Variants in PCSK5 observed in about 807,000 individuals in gnomAD.
PCSK5 encodes proprotein convertase subtilisin/kexin type 5.
In PCSK5, 129 loss-of-function variants were observed where a neutral mutation model predicts 233.2. The ratio of observed to expected loss-of-function variants is 0.55; its 90% CI spans 0.48 to 0.64. The LOEUF (loss-of-function observed/expected upper bound fraction) is 0.64. Ranked by LOEUF, PCSK5 falls within the 30% of genes least tolerant of loss-of-function variation. PCSK5 has a pLI of 0.00. For missense variants in PCSK5, 2,076 were observed against 2,430.1 expected (o/e 0.85, Z 3.06); for synonymous variants, 825 against 879.2 (o/e 0.94, Z 1.09).
chr9:76,251,102 T>C (rs1022930792), intron 24 of PCSK5, among the ~76,000 whole-genome samples: 2 of 152,138 alleles, frequency 1.3e-5, no homozygotes, highest in Non-Finnish European at 1.5e-5. Flanking sequence ...ATACCATTTG[T>C]ACACAAAATT....
intron 27 of PCSK5, among the ~76,000 whole-genome samples, chr9:76,301,452 C>T (rs4291342): frequency 0.013 from 1,919 of 152,000 alleles, 36 homozygotes; most frequent in African/African-American, 0.044. Context: ...AGCAGCTTTA[C>T]GATTTTAAAA....
chr9:75,922,827 T>C (rs1020088883), intron 1 of PCSK5, among the ~76,000 whole-genome samples: 1 of 152,178 alleles, frequency 6.6e-6, no homozygotes, highest in African/African-American at 2.4e-5. Context: ...GAAAATCTGG[T>C]GCTTATTCAA....
intron 35 of PCSK5, among the ~76,000 whole-genome samples, chr9:76,345,824 A>G (rs908612232): frequency 6.6e-6 from 1 of 151,724 alleles, no homozygotes; most frequent in Middle Eastern, 3.2e-3. Flanking sequence ...GGTTCAAGCA[A>G]TTCTCCTGTC....
At chr9:76,250,789 C>T (rs1022986542) in intron 24 of PCSK5, among the ~76,000 whole-genome samples, 6 of 152,072 alleles carry the variant, frequency 3.9e-5, no homozygotes, top group African/African-American at 7.2e-5. Context: ...ACGGACTTTA[C>T]GTTAGTAATA....
At chr9:76,243,766 A>AT (rs1311997674) in intron 24 of PCSK5, among the ~76,000 whole-genome samples, 1 of 124,036 alleles carries the variant, frequency 8.1e-6, no homozygotes, top group Non-Finnish European at 1.8e-5. Context: ...CATAATAAAT[A>AT]TGAATTAATG....
chr9:76,177,057 A>C (rs1243701051), intron 14 of PCSK5, among the ~76,000 whole-genome samples: 1 of 152,196 alleles, frequency 6.6e-6, no homozygotes, highest in Admixed American at 6.5e-5. Context: ...TGGGAGGCCG[A>C]GGAGGGTGGA....
At chr9:76,023,212 C>G (rs1828276791) in intron 3 of PCSK5, among the ~76,000 whole-genome samples, 1 of 152,166 alleles carries the variant, frequency 6.6e-6, no homozygotes, top group African/African-American at 2.4e-5. Context: ...TTCCAAAAGA[C>G]TTACGGTATC....
At chr9:76,104,035 C>T (rs570972847) in intron 8 of PCSK5, among the ~76,000 whole-genome samples, 1 of 152,246 alleles carries the variant, frequency 6.6e-6, no homozygotes, top group South Asian at 2.1e-4. Flanking sequence ...ACTGTCAGAT[C>T]CTATATACAT....
At chr9:76,028,194 A>G (rs1587519507) in intron 5 of PCSK5, among the ~76,000 whole-genome samples, 1 of 152,296 alleles carries the variant, frequency 6.6e-6, no homozygotes, top group East Asian at 1.9e-4. Flanking sequence ...AGAACTTCCA[A>G]GCGAAAAGAG....
intron 20 of PCSK5, chr9:76,205,303 T>C (rs998605393): frequency 6.6e-5 from 34 of 517,632 alleles, no homozygotes; most frequent in Non-Finnish European, 1.2e-4. Context: ...CCGCCTATGC[T>C]GTTCCCACAC....
intron 1 of PCSK5, among the ~76,000 whole-genome samples, chr9:75,895,981 G>C (rs1351640649): frequency 6.6e-6 from 1 of 152,138 alleles, no homozygotes; most frequent in Non-Finnish European, 1.5e-5. Flanking sequence ...GGGTTGTATG[G>C]GAGTGGATTG....
intron 24 of PCSK5, among the ~76,000 whole-genome samples, chr9:76,263,311 A>G (rs1827236719): frequency 6.6e-6 from 1 of 152,242 alleles, no homozygotes; most frequent in South Asian, 2.1e-4. Context: ...TCATGCTGCT[A>G]TAAAGACACA....
intron 37 of PCSK5, among the ~76,000 whole-genome samples, chr9:76,357,043 A>T (rs1336858546): frequency 6.6e-6 from 1 of 152,214 alleles, no homozygotes; most frequent in Non-Finnish European, 1.5e-5. Context: ...ATAGAAAAAA[A>T]ATAGACATAT....
chr9:75,970,533 A>C (rs999142934), intron 2 of PCSK5, among the ~76,000 whole-genome samples: 1 of 151,712 alleles, frequency 6.6e-6, no homozygotes, highest in Non-Finnish European at 1.5e-5. Flanking sequence ...GTAAGTGAGG[A>C]CCTCCCAAAA....
chr9:75,957,588 C>G (rs1563937086), intron 2 of PCSK5, among the ~76,000 whole-genome samples: 2 of 152,122 alleles, frequency 1.3e-5, no homozygotes. Flanking sequence ...ACAATCCTGC[C>G]TCTCTGGAAG....
At chr9:76,268,381 T>C (rs1827405002) in intron 24 of PCSK5, among the ~76,000 whole-genome samples, 1 of 152,256 alleles carries the variant, frequency 6.6e-6, no homozygotes, top group South Asian at 2.1e-4. Context: ...AGTGTTTTTT[T>C]AAAGCCCACA....
At chr9:76,244,546 C>T (rs1215896582) in intron 24 of PCSK5, among the ~76,000 whole-genome samples, 1 of 144,414 alleles carries the variant, frequency 6.9e-6, no homozygotes, top group Non-Finnish European at 1.5e-5. Context: ...TAATAATTAG[C>T]TGTTGAAAAT....
At chr9:76,068,161 T>G in intron 6 of PCSK5, 118 bp downstream of exon 6, 2 of 655,078 alleles carry the variant, frequency 3.1e-6, no homozygotes, top group Non-Finnish European at 5.5e-6. Flanking sequence ...TACCTAATAG[T>G]GTTCAACTAT....
chr9:75,892,646 C>A (rs1442961731), intron 1 of PCSK5, among the ~76,000 whole-genome samples: 1 of 152,206 alleles, frequency 6.6e-6, no homozygotes, highest in Non-Finnish European at 1.5e-5. Context: ...TTGCGTTCCA[C>A]GCCCAGGAAC....
Sources: gnomAD v4.1 joint callset for allele counts (sites outside exome capture counted in the v4.1 genomes callset) on GRCh38, gnomAD v4.1.1 for gene constraint, MANE v1.5 for transcripts, NCBI Gene and HGNC (gene_info 2026-07-23, HGNC 2026-07-21) for gene names.